TAFA1: variants seen among roughly 807,000 people sequenced by gnomAD.
TAFA1 encodes chemokine-like protein TAFA-1.
TAFA1 carries 4 observed loss-of-function variants against 18.5 expected under a neutral mutation model. That is an observed-to-expected ratio of 0.22 (90% CI 0.11 to 0.49). The LOEUF is 0.49. TAFA1 is among the 20% of genes least tolerant of loss of function. The pLI is 0.98. For synonymous variants in TAFA1, 56 were observed against 55.2 expected, an observed-to-expected ratio of 1.01 and a Z score of -0.06; for missense variants, 147 against 169.0, an observed-to-expected ratio of 0.87 and a Z score of 0.72.
intron 2 of TAFA1, among the ~76,000 whole-genome samples, chr3:68,303,868 CA>C (rs1048380551): frequency 4.6e-5 from 7 of 150,592 alleles, no homozygotes; most frequent in East Asian, 3.9e-4. Flanking sequence ...TTTTCCTTAT[CA>C]AAAAAAAATT....
chr3:68,387,174 G>T (rs1276799194), intron 2 of TAFA1, among the ~76,000 whole-genome samples: 2 of 151,828 alleles, frequency 1.3e-5, no homozygotes, highest in African/African-American at 2.4e-5. Flanking sequence ...TGTCTTTGTT[G>T]TTGGCTGAAA....
At chr3:68,260,072 G>A (rs1038583307) in intron 2 of TAFA1, among the ~76,000 whole-genome samples, 14 of 152,270 alleles carry the variant, frequency 9.2e-5, no homozygotes, top group South Asian at 4.1e-4. Flanking sequence ...TTGGCTGTGG[G>A]TTTGTCATAG....
At chr3:68,536,975 A>T (rs1483636764) in intron 3 of TAFA1, among the ~76,000 whole-genome samples, 1 of 152,092 alleles carries the variant, frequency 6.6e-6, no homozygotes, top group Non-Finnish European at 1.5e-5. Flanking sequence ...TTGTACTTTC[A>T]GTCAATTCAT....
intron 3 of TAFA1, among the ~76,000 whole-genome samples, chr3:68,442,361 C>A (rs2071399537): frequency 6.6e-6 from 1 of 152,064 alleles, no homozygotes; most frequent in African/African-American, 2.4e-5. Flanking sequence ...GGTCTCTCTT[C>A]CTCTTCTTCT....
intron 2 of TAFA1, among the ~76,000 whole-genome samples, chr3:68,262,355 A>ATATATT (rs2067451771): frequency 2.3e-5 from 2 of 86,748 alleles, no homozygotes; most frequent in African/African-American, 9.3e-5. Context: ...ATATATATAT[A>ATATATT]TATTTCATGG....
At chr3:68,525,711 T>C (rs1002625914) in intron 3 of TAFA1, among the ~76,000 whole-genome samples, 2 of 152,212 alleles carry the variant, frequency 1.3e-5, no homozygotes, top group Non-Finnish European at 2.9e-5. Flanking sequence ...TGCTCTATGA[T>C]TAAGGAGTCC....
intron 2 of TAFA1, among the ~76,000 whole-genome samples, chr3:68,330,273 C>G (rs534101855): frequency 3.7e-4 from 56 of 152,122 alleles, no homozygotes; most frequent in Non-Finnish European, 6.0e-4. Context: ...GTTGCATGCC[C>G]TTTCCTGAAA....
intron 2 of TAFA1, among the ~76,000 whole-genome samples, chr3:68,292,989 G>A (rs1233461115): frequency 2.0e-5 from 3 of 151,916 alleles, no homozygotes; most frequent in Admixed American, 1.3e-4. Context: ...ATTCTCAAAA[G>A]CTACGTATTC....
At chr3:68,034,847 G>T (rs1317270618) in intron 2 of TAFA1, among the ~76,000 whole-genome samples, 1 of 151,964 alleles carries the variant, frequency 6.6e-6, no homozygotes, top group African/African-American at 2.4e-5. Flanking sequence ...TTTAGAAAGG[G>T]GAAATTTTAA....
intron 3 of TAFA1, among the ~76,000 whole-genome samples, chr3:68,478,387 C>T (rs1392887874): frequency 5.3e-5 from 8 of 152,076 alleles, no homozygotes; most frequent in Admixed American, 4.6e-4. Context: ...AAACATCTAA[C>T]AGCATCTATG....
intron 2 of TAFA1, among the ~76,000 whole-genome samples, chr3:68,077,210 C>T (rs1429899126): frequency 6.8e-6 from 1 of 147,914 alleles, no homozygotes; most frequent in Non-Finnish European, 1.5e-5. Flanking sequence ...CGATATTAGC[C>T]CTTTGTCAGA....
chr3:68,168,942 G>A, intron 2 of TAFA1, among the ~76,000 whole-genome samples: 1 of 152,100 alleles, frequency 6.6e-6, no homozygotes, highest in African/African-American at 2.4e-5. Context: ...ATCTATAGTA[G>A]TATTTTTATT....
At chr3:68,525,921 C>T (rs1182144862) in intron 3 of TAFA1, among the ~76,000 whole-genome samples, 2 of 152,162 alleles carry the variant, frequency 1.3e-5, no homozygotes, top group East Asian at 3.9e-4. Context: ...TGCTGAGAAC[C>T]ACAAGCTTTT....
chr3:68,052,385 G>A (rs2064481710), intron 2 of TAFA1, among the ~76,000 whole-genome samples: 1 of 152,030 alleles, frequency 6.6e-6, no homozygotes, highest in Admixed American at 6.6e-5. Context: ...ATATCCCCAG[G>A]TTCCTGTGAC....
At chr3:68,383,562 G>T (rs1366568852) in intron 2 of TAFA1, among the ~76,000 whole-genome samples, 3 of 152,094 alleles carry the variant, frequency 2.0e-5, no homozygotes, top group African/African-American at 2.4e-5. Flanking sequence ...CTCTTACGAT[G>T]TGCTGCTGGA....
chr3:68,308,066 A>G (rs1369228830), intron 2 of TAFA1, among the ~76,000 whole-genome samples: 2 of 152,194 alleles, frequency 1.3e-5, no homozygotes, highest in African/African-American at 4.8e-5. Context: ...ATCGGGTGAC[A>G]TAATGAAAAT....
chr3:68,155,036 A>G (rs148050734), intron 2 of TAFA1, among the ~76,000 whole-genome samples: 163 of 152,332 alleles, frequency 1.1e-3, no homozygotes, highest in African/African-American at 3.8e-3. Context: ...TTAATCAACA[A>G]ACCAGTTACG....
intron 2 of TAFA1, among the ~76,000 whole-genome samples, chr3:68,371,184 G>T (rs2069699749): frequency 6.6e-6 from 1 of 151,942 alleles, no homozygotes; most frequent in Non-Finnish European, 1.5e-5. Flanking sequence ...TTTTTCATTG[G>T]TAAACTGCAG....
chr3:68,260,275 C>T (rs975362228), intron 2 of TAFA1, among the ~76,000 whole-genome samples: 1 of 152,064 alleles, frequency 6.6e-6, no homozygotes, highest in Non-Finnish European at 1.5e-5. Flanking sequence ...GGCTTGCATC[C>T]CAGGGATGAA....
Sources: gnomAD v4.1 joint callset for allele counts (sites outside exome capture counted in the v4.1 genomes callset) on GRCh38, gnomAD v4.1.1 for gene constraint, MANE v1.5 for transcripts, NCBI Gene and HGNC (gene_info 2026-07-23, HGNC 2026-07-21) for gene names.